The following TNFSF15 variants were observed in gnomAD, a reference collection of about 807,000 sequenced individuals.
TNFSF15 encodes the protein tumor necrosis factor ligand superfamily member 15.
A neutral mutation model predicts 26.4 loss-of-function variants in TNFSF15; 15 were observed. The ratio of observed to expected loss-of-function variants is 0.57; its 90% CI spans 0.38 to 0.87. TNFSF15 has a LOEUF of 0.87. Among genes scored for constraint, TNFSF15 ranks in the 40% least tolerant of loss-of-function variants. The pLI is 0.00. For missense variants in TNFSF15, 290 were observed against 306.1 expected (o/e 0.95, Z 0.39); for synonymous variants, 116 against 115.0 (o/e 1.01, Z -0.06).
intron 1 of TNFSF15, among the ~76,000 whole-genome samples, chr9:114,804,294 C>T (rs1829787948): frequency 6.6e-6 from 1 of 152,222 alleles, no homozygotes; most frequent in African/African-American, 2.4e-5. Flanking sequence ...CTTCACCGAG[C>T]TTCCCGTCTA....
intron 3 of TNFSF15, 118 bp downstream of exon 3, chr9:114,792,289 T>C: frequency 1.6e-6 from 2 of 1,259,682 alleles, no homozygotes; most frequent in Non-Finnish European, 1.1e-6. Flanking sequence ...GGGAGGAGTC[T>C]CTTACCAAGG....
intron 2 of TNFSF15, 95 bp from the exon 3 acceptor site, chr9:114,792,549 G>A (rs1829620807): frequency 6.3e-7 from 1 of 1,589,844 alleles, no homozygotes; most frequent in Non-Finnish European, 8.6e-7. Flanking sequence ...TGATAGGAGA[G>A]AAACCTTGAT....
chr9:114,793,981 C>T (rs552642019), intron 1 of TNFSF15, among the ~76,000 whole-genome samples: 1 of 152,308 alleles, frequency 6.6e-6, no homozygotes, highest in South Asian at 2.1e-4. Context: ...AAAATAATGG[C>T]TATGTTCTCC....
chr9:114,786,996 A>G lies in TNFSF15; in HGVS notation c.*3456T>C, dbSNP rs1829513279. 1 of 152,020 alleles carries G rather than the reference A, an allele frequency of 6.6e-6. No homozygotes were observed. Among genetic ancestry groups the G allele is most frequent in the Non-Finnish European group, 1.5e-5 (1 of 68,014 alleles). 9.4% of individuals were successfully genotyped at this position (152,020 alleles called of 1,614,324 possible). A position where few individuals can be genotyped will look rare whatever the true frequency, so the allele number is the denominator to read the frequency against. On this transcript the variant is annotated 3_prime_UTR_variant, in exon 4 of 4. Coordinates refer to ENST00000374045, the MANE Select transcript of TNFSF15 (RefSeq NM_005118.4). ...CCAAATAGACTGAAACCATGCTAGCATCAAAATGTTAGTGATTCTGTGCAT... is the reference window on the plus strand; with the variant it reads ...CCAAATAGACTGAAACCATGCTAGCGTCAAAATGTTAGTGATTCTGTGCAT...
Position 114,787,255 on chromosome 9 carries a change from T to G in TNFSF15, c.*3197A>C, listed in dbSNP as rs1208845089. The G allele has an allele frequency of 6.6e-6, 1 of 152,186 alleles. No homozygotes were observed. Among genetic ancestry groups the G allele is most frequent in the Non-Finnish European group, 1.5e-5 (1 of 68,034 alleles). The allele number at this position is 152,186 out of a possible 1,614,324, so 9.4% of individuals were successfully genotyped here. On this transcript the variant is annotated 3_prime_UTR_variant, in exon 4 of 4. Transcript: ENST00000374045. ...GAGTAGCTATTTTTAAAAAAACACT[T>G]CGAGTAAACACAAATCATTTTGTTA...
chr9:114,792,132 C>T, intron 3 of TNFSF15: 1 of 459,318 alleles, frequency 2.2e-6, no homozygotes, highest in Admixed American at 4.1e-5. Flanking sequence ...CAGCACTATT[C>T]ACAATCGCAA....
intron 1 of TNFSF15, among the ~76,000 whole-genome samples, chr9:114,794,096 G>A (rs890924381): frequency 1.3e-5 from 2 of 152,216 alleles, no homozygotes; most frequent in African/African-American, 4.8e-5. Context: ...CCACATGATG[G>A]TGGAAGAGTA....
chr9:114,790,731 G>A lies in TNFSF15; in HGVS notation c.477C>T (p.Thr159=), dbSNP rs745523242. 6.2e-7 allele frequency: 1 copy of A among 1,614,064 alleles called. No individual in the cohort carries two copies. Among genetic ancestry groups the A allele is most frequent in the Non-Finnish European group, 8.5e-7 (1 of 1,180,012 alleles). ...CTTGTCTGATTTCACTGCACTCAGAGGTCATCCCACGGAATGTGACCTGGG... is the reference window on the plus strand; with the variant it reads ...CTTGTCTGATTTCACTGCACTCAGAAGTCATCCCACGGAATGTGACCTGGG... ...IYSQVTFRGM[T]SECSEIRQAG... Residue 159 remains threonine, a synonymous_variant, in exon 4 of 4, where the codon ACC becomes ACT. Transcript: ENST00000374045.
rs373021312 is a variant in TNFSF15, at chr9:114,790,410, T to C, written c.*42A>G. The C allele has an allele frequency of 8.8e-5, 133 of 1,515,054 alleles. No homozygotes were observed. The highest frequency in any genetic ancestry group is 1.1e-4 in the Non-Finnish European group (123 of 1,128,612). The allele number at this position is 1,515,054 out of a possible 1,614,324, so 93.9% of individuals were successfully genotyped here. On this transcript the variant is annotated 3_prime_UTR_variant, in exon 4 of 4. Transcript: ENST00000374045. ...CATTTGAACAAAGAAAATTAGGAAC[T>C]CGGTGGCAGAGGACTTTCATATAAT...
intron 1 of TNFSF15, 108 bp from the exon 2 acceptor site, chr9:114,793,676 G>A (rs1829638831): frequency 9.6e-7 from 1 of 1,038,592 alleles, no homozygotes; most frequent in Non-Finnish European, 1.5e-6. Flanking sequence ...TGCCCAGCCT[G>A]GGTACTCTGT....
At chr9:114,791,208 G>A in intron 3 of TNFSF15, 2 of 537,130 alleles carry the variant, frequency 3.7e-6, no homozygotes, top group South Asian at 2.9e-5. Flanking sequence ...TGAAGGTTAA[G>A]GAATCCCCCT....
chr9:114,802,516 G>T (rs1010633664), intron 1 of TNFSF15, among the ~76,000 whole-genome samples: 2 of 152,222 alleles, frequency 1.3e-5, no homozygotes, highest in Non-Finnish European at 2.9e-5. Context: ...CTCCCAAAGT[G>T]CTGGGATTAC....
At chr9:114,801,901 A>G (rs1234267118) in intron 1 of TNFSF15, among the ~76,000 whole-genome samples, 1 of 152,186 alleles carries the variant, frequency 6.6e-6, no homozygotes, top group East Asian at 1.9e-4. Context: ...CAAGCCACCC[A>G]GTTTTCTACC....
Position 114,793,453 on chromosome 9 carries a change from C to A in TNFSF15, c.253+73G>T, listed in dbSNP as rs1409266672. 3 of 1,547,238 alleles carry A rather than the reference C, an allele frequency of 1.9e-6. No individual in the cohort carries two copies. In the Admixed American group the frequency reaches 5.0e-5, roughly 26 times the overall value. On this transcript the variant is annotated intron_variant, in intron 2 of 3. Transcript: ENST00000374045. ...TTGTACTTAAAGACTCATCTCTGAA[C>A]TTCCTGCATACAGAACTACTAGAAA...
At chr9:114,802,787 T>A (rs1296389417) in intron 1 of TNFSF15, among the ~76,000 whole-genome samples, 1 of 152,202 alleles carries the variant, frequency 6.6e-6, no homozygotes, top group Non-Finnish European at 1.5e-5. Context: ...ATTACTGATC[T>A]CCTTCTTCCT....
rs1026447310 is a variant in TNFSF15, at chr9:114,786,583, G to A, written c.*3869C>T. 4 of 152,008 alleles carry A rather than the reference G, an allele frequency of 2.6e-5. No individual in the cohort carries two copies. Among genetic ancestry groups the A allele is most frequent in the Admixed American group, 6.6e-5 (1 of 15,260 alleles). 9.4% of individuals were successfully genotyped at this position (152,008 alleles called of 1,614,324 possible). On this transcript the variant is annotated 3_prime_UTR_variant, in exon 4 of 4. Transcript: ENST00000374045. ...CTGACATATTTCAGGAAGTGAAAAC[G>A]TACACTTTTCCCTTTTCTTACTGTA...
chr9:114,790,985 C>T (rs772203427), intron 3 of TNFSF15, 79 bp from the exon 4 acceptor site: 1 of 1,413,388 alleles, frequency 7.1e-7, no homozygotes, highest in Non-Finnish European at 9.8e-7. Flanking sequence ...ATATCATTTT[C>T]AAAATAGACT....
intron 1 of TNFSF15, among the ~76,000 whole-genome samples, chr9:114,803,823 T>C (rs1238355808): frequency 6.6e-6 from 1 of 152,250 alleles, no homozygotes; most frequent in African/African-American, 2.4e-5. Flanking sequence ...TGGGTTTCTC[T>C]AACACTTCTC....
In TNFSF15 at chr9:114,791,348, T is replaced by C. The variant is rs536383201; in HGVS notation, c.302-442A>G. ...GGCACCAGACCCTTCAAATTCCCAT[T>C]CTTTGCCCCATAAGTGATTGGCTGA... On this transcript the variant is annotated intron_variant, in intron 3 of 3. Coordinates refer to ENST00000374045, the MANE Select transcript of TNFSF15 (RefSeq NM_005118.4). 1.8e-5 allele frequency: 4 copies of C among 226,506 alleles called. No homozygotes were observed. In the South Asian group the frequency reaches 3.8e-4, roughly 22 times the overall value. The allele number at this position is 226,506 out of a possible 1,614,324, so 14.0% of individuals were successfully genotyped here. A position where few individuals can be genotyped will look rare whatever the true frequency, so the allele number is the denominator to read the frequency against.
Sources: allele counts gnomAD v4.1 joint callset (sites outside exome capture counted in the v4.1 genomes callset), GRCh38; gene constraint gnomAD v4.1.1; transcripts MANE v1.5; gene names NCBI Gene and HGNC (gene_info 2026-07-23, HGNC 2026-07-21).